ZNF292: variants seen among roughly 807,000 people sequenced by gnomAD.
The protein encoded by ZNF292 is zinc finger protein 292.
Under a neutral mutation model 217.9 loss-of-function variants are expected in ZNF292, and 26 were observed. The observed-to-expected ratio is 0.12, with a 90% confidence interval of 0.09 to 0.17. ZNF292 has a LOEUF of 0.17. Among genes scored for constraint, ZNF292 ranks in the 10% least tolerant of loss-of-function variants. ZNF292 has a pLI of 1.00. For missense variants in ZNF292, 2,904 were observed against 3,175.2 expected, an observed-to-expected ratio of 0.91 and a Z score of 2.05; for synonymous variants, 1,257 against 1,124.1, an observed-to-expected ratio of 1.12 and a Z score of -2.37.
intron 1 of ZNF292, among the ~76,000 whole-genome samples, chr6:87,211,874 GACA>G (rs1562143202): frequency 6.6e-6 from 1 of 152,076 alleles, no homozygotes; most frequent in Non-Finnish European, 1.5e-5. Flanking sequence ...AGATTACAGT[GACA>G]TTTATCTTTG....
intron 1 of ZNF292, among the ~76,000 whole-genome samples, chr6:87,210,445 T>G (rs1411841352): frequency 1.3e-5 from 2 of 151,898 alleles, no homozygotes; most frequent in East Asian, 3.9e-4. Flanking sequence ...ATTTCTTCTA[T>G]CCTAGGCTTG....
At chr6:87,186,092 A>G (rs753753238) in intron 1 of ZNF292, among the ~76,000 whole-genome samples, 3 of 152,160 alleles carry the variant, frequency 2.0e-5, no homozygotes, top group Non-Finnish European at 2.9e-5. Context: ...ACAGGTGGGG[A>G]TAAAAGTCTC....
intron 6 of ZNF292, among the ~76,000 whole-genome samples, 155 bp from the exon 7 acceptor site, chr6:87,245,347 GA>G (rs1774517612): frequency 6.6e-6 from 1 of 152,120 alleles, no homozygotes; most frequent in Non-Finnish European, 1.5e-5. Flanking sequence ...TTGGTATTTA[GA>G]AAATTGGGAT....
In ZNF292 at chr6:87,259,344, A is replaced by C; in HGVS notation, c.5715A>C (p.Gln1905His). ...NDKVNKPFVC[Q>H]NQGCNYSAMT... ...AAGTTAATAAACCCTTTGTGTGTCA[A>C]AACCAAGGCTGTAACTACAGTGCTA... is the stretch of plus-strand genomic sequence containing the variant. The change falls in exon 8 of 8, where the codon CAA becomes CAC. Residue 1905 changes from glutamine (Q) to histidine (H), a missense_variant. Physicochemically the swap from Gln to His is conservative, Grantham distance 24. Transcript: ENST00000369577. 6.2e-7 allele frequency: 1 copy of C among 1,613,484 alleles called. No homozygotes were observed. Among genetic ancestry groups the C allele is most frequent in the East Asian group, 2.2e-5 (1 of 44,862 alleles).
chr6:87,175,104 A>G (rs567796534), intron 1 of ZNF292, among the ~76,000 whole-genome samples: 2 of 152,208 alleles, frequency 1.3e-5, no homozygotes, highest in Admixed American at 6.5e-5. Context: ...CTTTTAGCCT[A>G]TGGACGAGTA....
Position 87,213,390 on chromosome 6 carries a change from C to A in ZNF292, c.169-2513C>A, listed in dbSNP as rs375687426. Among the ~76,000 whole-genome samples, 70 of 152,280 alleles carry A rather than the reference C, an allele frequency of 4.6e-4. 1 individual carries two copies. The East Asian group carries it at 0.013, about 27-fold the overall frequency. ...CCTTGCAGATGGAACAATGGTGAGA[C>A]CACACCCGGACAGGGGAGGGGAAGG... is the stretch of plus-strand genomic sequence containing the variant. On this transcript the variant is annotated intron_variant, in intron 1 of 7. Coordinates refer to ENST00000369577, the MANE Select transcript of ZNF292 (RefSeq NM_015021.3).
intron 1 of ZNF292, among the ~76,000 whole-genome samples, chr6:87,160,906 C>T (rs763377349): frequency 4.6e-5 from 7 of 152,054 alleles, no homozygotes; most frequent in East Asian, 1.9e-4. Context: ...CAAATGAAAG[C>T]GTAATTCCTC....
At position 87,257,082 on chromosome 6, in the gene ZNF292, A is replaced by G. The variant is rs1775264325; in HGVS notation, c.3453A>G (p.Gly1151=). Residue 1151 remains glycine, a synonymous_variant, in exon 8 of 8, where the codon GGA becomes GGG. Transcript: ENST00000369577. ...ACAACTTAAATACACCAAATAATGG[A>G]AAGTTTGTTTATTTTTTGCCATCAC... ...KANNLNTPNN[G]KFVYFLPSPV... is the part of the protein sequence containing the mutation. 2 of 1,613,900 alleles carry G rather than the reference A, an allele frequency of 1.2e-6. No individual in the cohort carries two copies. Among genetic ancestry groups the G allele is most frequent in the Non-Finnish European group, 1.7e-6 (2 of 1,179,854 alleles).
chr6:87,244,152 T>G (rs1291727498), intron 6 of ZNF292, among the ~76,000 whole-genome samples: 2 of 152,206 alleles, frequency 1.3e-5, no homozygotes, highest in Non-Finnish European at 2.9e-5. Context: ...AAATTTGATT[T>G]ATAAAATTCC....
chr6:87,230,269 G>A lies in ZNF292; in HGVS notation c.539-3056G>A, dbSNP rs996876513. On this transcript the variant is annotated intron_variant, in intron 4 of 7. Transcript: ENST00000369577. ...TCATGCAAATCTGGGCATGAGAATA[G>A]GAACCCAGTAAATGAGTTGACCCCA... Among the ~76,000 whole-genome samples the A allele has an allele frequency of 3.3e-5, 5 of 152,276 alleles. No homozygotes were observed. The East Asian group carries it at 7.7e-4, about 24-fold the overall frequency.
intron 1 of ZNF292, among the ~76,000 whole-genome samples, chr6:87,181,032 A>G (rs1043949956): frequency 2.0e-5 from 3 of 152,118 alleles, no homozygotes; most frequent in Non-Finnish European, 4.4e-5. Context: ...TCTTGGCCCC[A>G]TGGTAATGTC....
intron 5 of ZNF292, among the ~76,000 whole-genome samples, chr6:87,239,394 GC>G (rs1220503313): frequency 6.7e-6 from 1 of 148,924 alleles, no homozygotes; most frequent in East Asian, 2.0e-4. Flanking sequence ...CGGGCCGGGG[GC>G]TGGCCCCCAC....
intron 1 of ZNF292, 49 bp from the exon 2 acceptor site, chr6:87,215,854 A>C: frequency 1.4e-6 from 2 of 1,462,042 alleles, no homozygotes; most frequent in East Asian, 4.9e-5. Flanking sequence ...GAGTCAATGT[A>C]TATTTTGATT....
intron 4 of ZNF292, among the ~76,000 whole-genome samples, chr6:87,231,280 C>CT (rs1448507413): frequency 6.6e-6 from 1 of 152,030 alleles, no homozygotes; most frequent in East Asian, 1.9e-4. Flanking sequence ...GTTTTTACTG[C>CT]TGTAAGGTGC....
intron 4 of ZNF292, among the ~76,000 whole-genome samples, chr6:87,219,187 T>C (rs1194947876): frequency 6.6e-6 from 1 of 152,174 alleles, no homozygotes; most frequent in Non-Finnish European, 1.5e-5. Flanking sequence ...GTTTTTCTTT[T>C]ATGAGCTCAG....
chr6:87,177,263 T>C (rs1206449804), intron 1 of ZNF292, among the ~76,000 whole-genome samples: 1 of 151,466 alleles, frequency 6.6e-6, no homozygotes, highest in Non-Finnish European at 1.5e-5. Context: ...GGAGGCGGAG[T>C]TTGCAGTGAG....
intron 1 of ZNF292, among the ~76,000 whole-genome samples, chr6:87,185,873 G>T (rs1771631915): frequency 6.6e-6 from 1 of 152,140 alleles, no homozygotes; most frequent in African/African-American, 2.4e-5. Context: ...GACAAGATAT[G>T]GGGGAAAGGG....
At chr6:87,244,621 G>A (rs1258411677) in intron 6 of ZNF292, among the ~76,000 whole-genome samples, 4 of 152,156 alleles carry the variant, frequency 2.6e-5, no homozygotes, top group Non-Finnish European at 5.9e-5. Flanking sequence ...GGGCAAAGAA[G>A]TAGTAGTACA....
chr6:87,228,570 T>C (rs1463953652), intron 4 of ZNF292, among the ~76,000 whole-genome samples: 1 of 152,218 alleles, frequency 6.6e-6, no homozygotes, highest in East Asian at 1.9e-4. Context: ...GGATTTTTCA[T>C]CTAAGTCTTT....
Sources: allele counts gnomAD v4.1 joint callset (sites outside exome capture counted in the v4.1 genomes callset), GRCh38; gene constraint gnomAD v4.1.1; transcripts MANE v1.5; gene names NCBI Gene and HGNC (gene_info 2026-07-23, HGNC 2026-07-21).